The following SPANXN2 variants were observed in gnomAD, a reference collection of about 807,000 sequenced individuals.
The protein encoded by SPANXN2 is sperm protein associated with the nucleus on the X chromosome N2.
Under a neutral mutation model 2.0 loss-of-function variants are expected in SPANXN2, and 1 was observed. That is an observed-to-expected ratio of 0.50 (90% CI 0.18 to 2.36). The LOEUF is 2.36. Ranked by LOEUF, SPANXN2 falls within the 30% of genes most tolerant of loss-of-function variation. The probability of loss-of-function intolerance (pLI) is 0.26; values close to 1 mark genes in which losing one functional copy is unlikely to be tolerated. For synonymous variants in SPANXN2, 43 were observed against 49.8 expected, an observed-to-expected ratio of 0.86 and a Z score of 0.58; for missense variants, 88 against 116.7, an observed-to-expected ratio of 0.75 and a Z score of 1.13.
At chrX:143,716,078 C>T (rs1932257624) in intron 1 of SPANXN2, among the ~76,000 whole-genome samples, 1 of 111,032 alleles carries the variant, frequency 9.0e-6, no homozygotes. Flanking sequence ...TCAGACAGGC[C>T]CTCATCAAGG....
intron 1 of SPANXN2, among the ~76,000 whole-genome samples, chrX:143,713,459 CCTCT>C (rs1932202614): frequency 9.0e-6 from 1 of 111,667 alleles, no homozygotes; most frequent in Non-Finnish European, 1.9e-5. Context: ...TTTCCAGATT[CCTCT>C]CTATTTCTGC....
chrX:143,713,598 C>T (rs782675401), intron 1 of SPANXN2, among the ~76,000 whole-genome samples: 32 of 111,353 alleles, frequency 2.9e-4, no homozygotes, highest in Non-Finnish European at 6.0e-4. Flanking sequence ...CTCTGGGGAG[C>T]ATGAATAGTA....
At chrX:143,720,460 G>T in intron 1 of SPANXN2, 131 bp downstream of exon 1, 2 of 637,624 alleles carry the variant, frequency 3.1e-6, no homozygotes, top group Non-Finnish European at 4.6e-6. Context: ...AAGCGGCGGT[G>T]GGTTCTGGCA....
At chrX:143,712,012 C>T in exon 2 of SPANXN2, 1 of 1,211,848 alleles carries the variant, frequency 8.3e-7, no homozygotes, top group East Asian at 3.0e-5. Context: ...AGGATTTGTC[C>T]AATTTGGTTT....
chrX:143,716,710 T>G (rs1556449836), intron 1 of SPANXN2, among the ~76,000 whole-genome samples: 1 of 112,039 alleles, frequency 8.9e-6, no homozygotes, highest in Non-Finnish European at 1.9e-5. Flanking sequence ...CTAAAAATCT[T>G]GGGTATGGCC....
At chrX:143,716,100 C>T (rs1484136619) in intron 1 of SPANXN2, among the ~76,000 whole-genome samples, 1 of 110,891 alleles carries the variant, frequency 9.0e-6, no homozygotes, top group Non-Finnish European at 1.9e-5. Context: ...CCTAGCTGAA[C>T]TTCCCCTTGC....
intron 1 of SPANXN2, among the ~76,000 whole-genome samples, chrX:143,717,333 T>C (rs1165193224): frequency 3.6e-5 from 4 of 111,982 alleles, no homozygotes; most frequent in African/African-American, 9.8e-5. Flanking sequence ...ACATAAGCTG[T>C]TGGGGGTGGA....
At chrX:143,719,560 T>C (rs5955100) in intron 1 of SPANXN2, among the ~76,000 whole-genome samples, 2,509 of 112,132 alleles carry the variant, frequency 0.022, 85 homozygotes, top group African/African-American at 0.078. Context: ...CTTGCCACCA[T>C]AACCTACAAC....
chrX:143,714,048 G>T (rs782267217), intron 1 of SPANXN2, among the ~76,000 whole-genome samples: 2 of 108,605 alleles, frequency 1.8e-5, no homozygotes, highest in South Asian at 4.1e-4. Flanking sequence ...CCGTTCTTCA[G>T]CCTCCTGCCC....
At chrX:143,717,401 T>C (rs1932286435) in intron 1 of SPANXN2, among the ~76,000 whole-genome samples, 3 of 111,540 alleles carry the variant, frequency 2.7e-5, no homozygotes, top group Admixed American at 9.4e-5. Flanking sequence ...AGGCTACAGA[T>C]GCCAAAACCG....
chrX:143,714,866 G>A (rs1470018998), intron 1 of SPANXN2, among the ~76,000 whole-genome samples: 5 of 111,696 alleles, frequency 4.5e-5, no homozygotes, highest in African/African-American at 1.6e-4. Flanking sequence ...GAAGGACCAG[G>A]CTAAATACCA....
chrX:143,720,516 T>C (rs1211646432), intron 1 of SPANXN2, 75 bp downstream of exon 1: 2 of 1,078,779 alleles, frequency 1.9e-6, no homozygotes, highest in Non-Finnish European at 2.5e-6. Context: ...TATTCCTGTG[T>C]TGCTGTTTGA....
chrX:143,717,643 G>C (rs1282636585), intron 1 of SPANXN2, among the ~76,000 whole-genome samples: 3 of 112,012 alleles, frequency 2.7e-5, no homozygotes, highest in African/African-American at 6.5e-5. Flanking sequence ...TTCCATGCCG[G>C]TTACTGCCCC....
At chrX:143,715,504 C>G (rs142718403) in intron 1 of SPANXN2, among the ~76,000 whole-genome samples, 1,906 of 109,631 alleles carry the variant, frequency 0.017, 25 homozygotes, top group African/African-American at 0.043. Flanking sequence ...CCTCTCCCCC[C>G]ACTCATCCTC....
chrX:143,716,422 C>A (rs1474897081), intron 1 of SPANXN2, among the ~76,000 whole-genome samples: 8 of 111,250 alleles, frequency 7.2e-5, no homozygotes, highest in Non-Finnish European at 1.3e-4. Context: ...CTAACTTTGA[C>A]TTGCTGGCCA....
In SPANXN2 at chrX:143,720,515, G is replaced by T. The variant is rs1932349178; in HGVS notation, c.78+76C>A. 1.1e-5 allele frequency: 12 copies of T among 1,078,567 alleles called. No homozygotes were observed. In the Admixed American group the frequency reaches 2.7e-4, roughly 24 times the overall value. 88.9% of individuals were successfully genotyped at this position (1,078,567 alleles called of 1,213,427 possible). ...CCACAGGTGTCTGCAGTATTCCTGT[G>T]TTGCTGTTTGAGCCGTCCCTTCTCT... On this transcript the variant is annotated intron_variant, in intron 1 of 1. Coordinates refer to ENST00000598475, the Ensembl canonical transcript of SPANXN2.
intron 1 of SPANXN2, among the ~76,000 whole-genome samples, chrX:143,713,712 G>A (rs1556448969): frequency 1.8e-5 from 2 of 111,044 alleles, no homozygotes; most frequent in Non-Finnish European, 3.8e-5. Flanking sequence ...CACCCCTGGG[G>A]TACTCACTCC....
At chrX:143,712,541 G>C (rs1932184051) in intron 1 of SPANXN2, 42 bp from the exon 2 acceptor site, 1 of 1,146,159 alleles carries the variant, frequency 8.7e-7, no homozygotes, top group African/African-American at 1.8e-5. Flanking sequence ...CATTATTTTG[G>C]GTGAATAGGG....
chrX:143,713,892 A>T (rs868970901), intron 1 of SPANXN2, among the ~76,000 whole-genome samples: 93 of 87,874 alleles, frequency 1.1e-3, no homozygotes, highest in African/African-American at 3.6e-3. Context: ...TTCATGCCTC[A>T]CTCTCTCTCT....
Sources: allele counts gnomAD v4.1 joint callset (sites outside exome capture counted in the v4.1 genomes callset), GRCh38; gene constraint gnomAD v4.1.1; transcripts MANE v1.5; gene names NCBI Gene and HGNC (gene_info 2026-07-23, HGNC 2026-07-21).